PCCB: variants seen among roughly 807,000 people sequenced by gnomAD.
PCCB encodes propionyl-CoA carboxylase subunit beta, also known as propionyl-CoA carboxylase beta chain, mitochondrial.
In PCCB, 43 loss-of-function variants were observed where a neutral mutation model predicts 60.7. The observed-to-expected ratio is 0.71, with a 90% confidence interval of 0.55 to 0.91. The LOEUF is 0.91. Among genes scored for constraint, PCCB ranks in the 40% least tolerant of loss-of-function variants. The probability of loss-of-function intolerance (pLI) is 0.00; values close to 1 mark genes in which losing one functional copy is unlikely to be tolerated. For missense variants in PCCB, 766 were observed against 702.8 expected (o/e 1.09, Z -1.02); for synonymous variants, 276 against 255.9 (o/e 1.08, Z -0.75).
intron 6 of PCCB, among the ~76,000 whole-genome samples, chr3:136,286,559 G>C (rs1380795328): frequency 6.6e-6 from 1 of 152,124 alleles, no homozygotes; most frequent in Non-Finnish European, 1.5e-5. Context: ...GCCTTGACTC[G>C]TCTTTTGCTA....
At chr3:136,264,514 T>C (rs1029262933) in intron 5 of PCCB, among the ~76,000 whole-genome samples, 3 of 150,594 alleles carry the variant, frequency 2.0e-5, no homozygotes, top group African/African-American at 4.9e-5. Flanking sequence ...TTAGATGTTA[T>C]CTCTTTTTAA....
rs890241650 is a variant in PCCB, at chr3:136,326,704, C to T, written c.1091-99C>T. On this transcript the variant is annotated intron_variant, in intron 10 of 14. Coordinates refer to ENST00000251654, the MANE Select transcript of PCCB (RefSeq NM_000532.5). ...CAACAAAGAAGTGTTGGTGCCTCCACAGAAACCAGCTTTGGATGGCTGCTG... is the reference window on the plus strand; with the variant it reads ...CAACAAAGAAGTGTTGGTGCCTCCATAGAAACCAGCTTTGGATGGCTGCTG... The T allele has an allele frequency of 6.8e-6, 6 of 880,762 alleles. No homozygotes were observed. In the East Asian group the frequency reaches 1.2e-4, roughly 18 times the overall value. 54.6% of individuals were successfully genotyped at this position (880,762 alleles called of 1,614,324 possible). A position where few individuals can be genotyped will look rare whatever the true frequency, so the allele number is the denominator to read the frequency against.
intron 1 of PCCB, 48 bp downstream of exon 1, chr3:136,250,606 C>G (rs1310790595): frequency 6.4e-7 from 1 of 1,556,292 alleles, no homozygotes; most frequent in Admixed American, 1.9e-5. Flanking sequence ...CGTCCGCGAC[C>G]TATCACTGCG....
intron 6 of PCCB, among the ~76,000 whole-genome samples, chr3:136,291,863 T>C: frequency 6.6e-6 from 1 of 152,208 alleles, no homozygotes; most frequent in East Asian, 1.9e-4. Flanking sequence ...GTTGAGTTCC[T>C]AGAGGTAAAA....
At chr3:136,256,831 G>A (rs1941683468) in intron 3 of PCCB, among the ~76,000 whole-genome samples, 1 of 152,156 alleles carries the variant, frequency 6.6e-6, no homozygotes, top group African/African-American at 2.4e-5. Flanking sequence ...GGGATCACAG[G>A]GCACTAGCCT....
In PCCB at chr3:136,258,991, A is replaced by G. The variant is rs548633307; in HGVS notation, c.373-1488A>G. 7.9e-5 allele frequency among the ~76,000 whole-genome samples: 12 copies of G among 151,930 alleles called. No homozygotes were observed. In the South Asian group the frequency reaches 2.1e-3, roughly 26 times the overall value. On this transcript the variant is annotated intron_variant, in intron 3 of 14. Transcript: ENST00000251654. The stretch of plus-strand genomic sequence containing the variant: ...AAATTTGTTTAATCCTTCCTATGCT[A>G]TTGTCTCCTTGTTCTTATTCTCACA...
At chr3:136,300,149 CACAT>C (rs565478826) in intron 8 of PCCB, among the ~76,000 whole-genome samples, 3 of 144,244 alleles carry the variant, frequency 2.1e-5, no homozygotes, top group East Asian at 1.9e-4. Flanking sequence ...CACATGTGTT[CACAT>C]ACATATATAC....
In PCCB at chr3:136,300,079, T is replaced by C. The variant is rs563011848; in HGVS notation, c.885-951T>C. On this transcript the variant is annotated intron_variant, in intron 8 of 14. Coordinates refer to ENST00000251654, the MANE Select transcript of PCCB (RefSeq NM_000532.5). ...ACATGCATATCAACACATATATGCA[T>C]ATACGCATATCTACACATATACATA... Among the ~76,000 whole-genome samples, 9 of 146,740 alleles carry C rather than the reference T, an allele frequency of 6.1e-5. No homozygotes were observed. In the South Asian group the frequency reaches 1.0e-3, roughly 17 times the overall value.
Position 136,327,152 on chromosome 3 carries a change from T to C in PCCB, c.1199-3T>C. 1.9e-6 allele frequency: 3 copies of C among 1,613,806 alleles called. No individual in the cohort carries two copies. The highest frequency in any genetic ancestry group is 2.2e-5 in the East Asian group (1 of 44,872). ...GTATCTAGTAACTCTTCCTCATGTC[T>C]AGGCACAGCACAGGAATACGGGGGC... On this transcript the variant is annotated splice_region_variant and splice_polypyrimidine_tract_variant and intron_variant, in intron 11 of 14. Transcript: ENST00000251654.
intron 9 of PCCB, among the ~76,000 whole-genome samples, chr3:136,309,206 T>G (rs1934563351): frequency 7.0e-6 from 1 of 143,286 alleles, no homozygotes; most frequent in South Asian, 2.1e-4. Context: ...GAGGTTGCAG[T>G]GAGCCCAGAT....
At chr3:136,270,981 A>T (rs1010742193) in intron 5 of PCCB, among the ~76,000 whole-genome samples, 1 of 151,776 alleles carries the variant, frequency 6.6e-6, no homozygotes, top group East Asian at 1.9e-4. Flanking sequence ...TTTTGATGGG[A>T]TTATTTTTTC....
chr3:136,254,222 T>C (rs1350767107), intron 1 of PCCB, among the ~76,000 whole-genome samples: 1 of 151,400 alleles, frequency 6.6e-6, no homozygotes, highest in Non-Finnish European at 1.5e-5. Flanking sequence ...TTTTTTTTGT[T>C]TGTTTTTGTT....
intron 8 of PCCB, among the ~76,000 whole-genome samples, chr3:136,298,554 A>G (rs1934041041): frequency 6.6e-6 from 1 of 152,204 alleles, no homozygotes; most frequent in Non-Finnish European, 1.5e-5. Context: ...TAAATGTAAA[A>G]TGATGCAAAC....
At chr3:136,264,407 T>TTCTGTC (rs1560000026) in intron 5 of PCCB, among the ~76,000 whole-genome samples, 1 of 149,512 alleles carries the variant, frequency 6.7e-6, no homozygotes, top group African/African-American at 2.5e-5. Context: ...CTCTCGCTCT[T>TTCTGTC]TCTGTCTCTG....
chr3:136,296,934 C>T (rs1286955406), intron 7 of PCCB, among the ~76,000 whole-genome samples: 2 of 152,164 alleles, frequency 1.3e-5, no homozygotes, highest in Non-Finnish European at 2.9e-5. Flanking sequence ...AAGACACCTG[C>T]CCATATGGGG....
chr3:136,309,745 T>TGA (rs1246988729), intron 9 of PCCB, among the ~76,000 whole-genome samples: 1 of 151,556 alleles, frequency 6.6e-6, no homozygotes. Context: ...AAGGCTGTAG[T>TGA]GAGCTGTGAT....
At chr3:136,281,482 G>T (rs1220305242) in intron 5 of PCCB, among the ~76,000 whole-genome samples, 1 of 151,658 alleles carries the variant, frequency 6.6e-6, no homozygotes, top group Non-Finnish European at 1.5e-5. Flanking sequence ...TCTCTTTGTG[G>T]TGTTCTCATT....
intron 6 of PCCB, among the ~76,000 whole-genome samples, chr3:136,284,299 T>C (rs1378128576): frequency 1.7e-5 from 2 of 115,752 alleles, no homozygotes; most frequent in Non-Finnish European, 3.5e-5. Flanking sequence ...GTAATCTGTT[T>C]ATTGGGAAGT....
At chr3:136,265,253 A>C (rs988268167) in intron 5 of PCCB, among the ~76,000 whole-genome samples, 8 of 152,364 alleles carry the variant, frequency 5.3e-5, no homozygotes, top group African/African-American at 1.9e-4. Flanking sequence ...ACCCATTGTG[A>C]AAATATAATT....
Sources: allele counts gnomAD v4.1 joint callset (sites outside exome capture counted in the v4.1 genomes callset), GRCh38; gene constraint gnomAD v4.1.1; transcripts MANE v1.5; gene names NCBI Gene and HGNC (gene_info 2026-07-23, HGNC 2026-07-21).